The following AGBL1 variants were observed in gnomAD, a reference collection of about 807,000 sequenced individuals.
AGBL1 encodes AGBL carboxypeptidase 1, also known as cytosolic carboxypeptidase 4.
In AGBL1, 130 loss-of-function variants were observed where a neutral mutation model predicts 118.9. The ratio of observed to expected loss-of-function variants is 1.09; its 90% CI spans 0.95 to 1.26. The LOEUF is 1.26. AGBL1 is among the 50% of genes most tolerant of loss of function. The pLI is 0.00. For synonymous variants in AGBL1, 555 were observed against 478.9 expected (o/e 1.16, Z -2.08); for missense variants, 1,584 against 1,298.1 (o/e 1.22, Z -3.38).
At chr15:86,202,623 GC>G (rs1567122968) in intron 5 of AGBL1, among the ~76,000 whole-genome samples, 1 of 152,124 alleles carries the variant, frequency 6.6e-6, no homozygotes, top group Non-Finnish European at 1.5e-5. Flanking sequence ...CAGGGCAGAA[GC>G]TTTCATTATG....
At chr15:86,272,603 T>C (rs565109476) in intron 15 of AGBL1, among the ~76,000 whole-genome samples, 77 of 152,304 alleles carry the variant, frequency 5.1e-4, no homozygotes, top group Non-Finnish European at 8.4e-4. Flanking sequence ...CCCTTATGCC[T>C]CTTGGCTTTT....
At chr15:86,238,757 G>C (rs2141970048) in intron 6 of AGBL1, among the ~76,000 whole-genome samples, 1 of 152,310 alleles carries the variant, frequency 6.6e-6, no homozygotes, top group South Asian at 2.1e-4. Context: ...AATGTAGAAT[G>C]TTGACTCAGA....
In AGBL1 at chr15:86,846,517, GT is replaced by G. The variant is rs111896828; in HGVS notation, c.3159-60561del. On this transcript the variant is annotated intron_variant, in intron 22 of 22. Coordinates refer to ENST00000614907, the MANE Select transcript of AGBL1 (RefSeq NM_001386094.1). ...TACTACTTTTAATCAAATTTGGGTA[GT>G]TTTTTTTTGTTGTTCTTTGTTTGTT... Among the ~76,000 whole-genome samples, 64 of 151,298 alleles carry G rather than the reference GT, an allele frequency of 4.2e-4. 1 individual carries two copies. The highest frequency in any genetic ancestry group is 1.1e-3 in the African/African-American group (45 of 41,286).
chr15:86,639,295 T>C (rs2085153763), intron 21 of AGBL1, among the ~76,000 whole-genome samples: 1 of 152,138 alleles, frequency 6.6e-6, no homozygotes, highest in African/African-American at 2.4e-5. Flanking sequence ...CTAGATCTAC[T>C]TGCAAATATT....
At chr15:86,903,956 G>T (rs2080246418) in intron 22 of AGBL1, among the ~76,000 whole-genome samples, 1 of 136,022 alleles carries the variant, frequency 7.4e-6, no homozygotes, top group African/African-American at 2.8e-5. Flanking sequence ...TACCCAGTGG[G>T]GATAAAAGTC....
chr15:86,692,021 A>T (rs1596374512), intron 22 of AGBL1, among the ~76,000 whole-genome samples: 1 of 151,940 alleles, frequency 6.6e-6, no homozygotes, highest in Non-Finnish European at 1.5e-5. Flanking sequence ...CCCTCTCTTA[A>T]TATGAGGTTT....
At chr15:86,794,715 T>C (rs559942583) in intron 22 of AGBL1, among the ~76,000 whole-genome samples, 1 of 152,328 alleles carries the variant, frequency 6.6e-6, no homozygotes, top group South Asian at 2.1e-4. Context: ...TTCAGTGATA[T>C]TCTGAAACTG....
chr15:86,476,501 T>C (rs1272996264), intron 18 of AGBL1, among the ~76,000 whole-genome samples: 1 of 151,932 alleles, frequency 6.6e-6, no homozygotes, highest in Non-Finnish European at 1.5e-5. Context: ...TACATAATGG[T>C]AAAGGGATCA....
In AGBL1 at chr15:86,827,432, CATATATATATGTGTGTGTAT is replaced by C. The variant is rs1567194755; in HGVS notation, c.3159-79644_3159-79625del. ...ATGTGTATATATATATATATATACA[CATATATATATGTGTGTGTAT>C]ATATATATATATATATACATATATA... On this transcript the variant is annotated intron_variant, in intron 22 of 22. Transcript: ENST00000614907. Among the ~76,000 whole-genome samples, 51 of 7,452 alleles carry C rather than the reference CATATATATATGTGTGTGTAT, an allele frequency of 6.8e-3. 8 individuals are homozygous for C. The highest frequency in any genetic ancestry group is 0.013 in the Admixed American group (5 of 396). 4.9% of individuals were successfully genotyped at this position (7,452 alleles called of 152,430 possible).
chr15:86,566,659 C>T (rs954643203), intron 21 of AGBL1, among the ~76,000 whole-genome samples: 15 of 152,108 alleles, frequency 9.9e-5, no homozygotes, highest in African/African-American at 3.6e-4. Flanking sequence ...AGATGGGACA[C>T]TTCTCCTCCC....
chr15:86,625,912 C>A (rs889263627), intron 21 of AGBL1, among the ~76,000 whole-genome samples: 3 of 151,984 alleles, frequency 2.0e-5, no homozygotes, highest in African/African-American at 7.3e-5. Flanking sequence ...AATCAAGAAT[C>A]GAATGAAGAA....
At chr15:86,830,581 A>G (rs531471747) in intron 22 of AGBL1, among the ~76,000 whole-genome samples, 1 of 152,262 alleles carries the variant, frequency 6.6e-6, no homozygotes, top group South Asian at 2.1e-4. Context: ...CAAAAACTCA[A>G]CAGCATAAGT....
At chr15:86,293,396 G>C (rs2079579648) in intron 16 of AGBL1, among the ~76,000 whole-genome samples, 1 of 152,158 alleles carries the variant, frequency 6.6e-6, no homozygotes, top group Non-Finnish European at 1.5e-5. Context: ...GAGGCCACCT[G>C]CATTCCTTGG....
chr15:86,419,990 T>C (rs2081763971), intron 18 of AGBL1, among the ~76,000 whole-genome samples: 1 of 152,018 alleles, frequency 6.6e-6, no homozygotes, highest in South Asian at 2.1e-4. Context: ...AAAACTCCCA[T>C]CTCCCTGGGA....
At chr15:86,922,817 T>A (rs2080494052) in intron 23 of AGBL1, among the ~76,000 whole-genome samples, 1 of 152,142 alleles carries the variant, frequency 6.6e-6, no homozygotes, top group African/African-American at 2.4e-5. Context: ...TAGGGAGCAG[T>A]TACCAATGAG....
At chr15:86,803,884 C>G (rs2078683936) in intron 22 of AGBL1, among the ~76,000 whole-genome samples, 1 of 152,046 alleles carries the variant, frequency 6.6e-6, no homozygotes, top group Non-Finnish European at 1.5e-5. Flanking sequence ...TGCTGAAGAT[C>G]CTACAATTCA....
intron 1 of AGBL1, among the ~76,000 whole-genome samples, chr15:86,119,649 A>C (rs2141574022): frequency 7.4e-6 from 1 of 135,210 alleles, no homozygotes; most frequent in African/African-American, 3.0e-5. Context: ...ATCTCAGAAA[A>C]GTAGTTTGTG....
chr15:86,176,798 C>G (rs553363130), intron 5 of AGBL1, among the ~76,000 whole-genome samples: 14 of 152,234 alleles, frequency 9.2e-5, no homozygotes, highest in Non-Finnish European at 7.4e-5. Context: ...CTCTAGGCAG[C>G]TTCATATACT....
chr15:86,352,041 T>A (rs973152333), intron 17 of AGBL1, among the ~76,000 whole-genome samples: 5 of 152,164 alleles, frequency 3.3e-5, no homozygotes, highest in Non-Finnish European at 7.3e-5. Context: ...TTACGGACAC[T>A]GGGGGCTGAC....
Sources: allele counts gnomAD v4.1 joint callset (sites outside exome capture counted in the v4.1 genomes callset), GRCh38; gene constraint gnomAD v4.1.1; transcripts MANE v1.5; gene names NCBI Gene and HGNC (gene_info 2026-07-23, HGNC 2026-07-21).